Variants in EYS observed in about 807,000 individuals in gnomAD.
EYS encodes EGF-like photoreceptor maintenance factor.
Under a neutral mutation model 282.1 loss-of-function variants are expected in EYS, and 250 were observed. That is an observed-to-expected ratio of 0.89 (90% CI 0.80 to 0.98). The LOEUF (loss-of-function observed/expected upper bound fraction) is 0.98, where lower values mean the gene tolerates loss of function less well. Ranked by LOEUF, EYS falls within the 50% of genes least tolerant of loss-of-function variation. The pLI, the probability that EYS is intolerant of heterozygous loss-of-function variation, is 0.00. For synonymous variants in EYS, 1,355 were observed against 1,282.9 expected (o/e 1.06, Z -1.20); for missense variants, 4,016 against 3,709.0 (o/e 1.08, Z -2.15).
chr6:65,513,741 C>CT (rs1391445632), intron 2 of EYS, among the ~76,000 whole-genome samples: 1 of 151,752 alleles, frequency 6.6e-6, no homozygotes, highest in African/African-American at 2.4e-5. Context: ...AATTCAACAA[C>CT]CCTTCATGCT....
chr6:64,188,718 T>C lies in EYS; in HGVS notation c.6424+41874A>G, dbSNP rs528074287. 9.2e-5 allele frequency among the ~76,000 whole-genome samples: 14 copies of C among 152,090 alleles called. No individual in the cohort carries two copies. The South Asian group carries it at 2.9e-3, about 32-fold the overall frequency. On this transcript the variant is annotated intron_variant, in intron 31 of 42. Coordinates refer to ENST00000503581, the MANE Select transcript of EYS (RefSeq NM_001142800.2). ...TGACCTTTAAATCACCAGTGCTTGATTAAAAGCCTGACATATAGTAATAAC... is the reference window on the plus strand; with the variant it reads ...TGACCTTTAAATCACCAGTGCTTGACTAAAAGCCTGACATATAGTAATAAC...
At chr6:64,522,864 T>C (rs928506012) in intron 26 of EYS, among the ~76,000 whole-genome samples, 2 of 151,794 alleles carry the variant, frequency 1.3e-5, no homozygotes, top group South Asian at 2.1e-4. Flanking sequence ...GTGACAGCAA[T>C]GTGAAGTGCA....
chr6:63,938,593 A>G (rs1765140700), intron 35 of EYS, among the ~76,000 whole-genome samples: 1 of 152,226 alleles, frequency 6.6e-6, no homozygotes, highest in Non-Finnish European at 1.5e-5. Context: ...TGGTTGAAAA[A>G]GAAAATGTGA....
chr6:64,181,869 G>A lies in EYS; in HGVS notation c.6424+48723C>T, dbSNP rs187560644. ...TTTTGCAAGCAATTCATTTTTGTTC[G>A]AAATATTATCAATCAGTTGAAAAAG... On this transcript the variant is annotated intron_variant, in intron 31 of 42. Transcript: ENST00000503581. Among the ~76,000 whole-genome samples the A allele has an allele frequency of 3.4e-3, 519 of 152,086 alleles. 3 individuals carry two copies. The highest frequency in any genetic ancestry group is 0.011 in the African/African-American group (477 of 41,508).
At chr6:63,753,387 G>A (rs1769395081) in intron 41 of EYS, among the ~76,000 whole-genome samples, 1 of 152,024 alleles carries the variant, frequency 6.6e-6, no homozygotes, top group Admixed American at 6.6e-5. Flanking sequence ...ATTCAGAAAT[G>A]TTGAGACCCA....
At chr6:65,474,981 C>T (rs1765344793) in intron 5 of EYS, among the ~76,000 whole-genome samples, 2 of 151,920 alleles carry the variant, frequency 1.3e-5, no homozygotes, top group Non-Finnish European at 2.9e-5. Flanking sequence ...AGATCAAAGG[C>T]ACAGAGAAAA....
chr6:65,018,320 C>T (rs933940500), intron 13 of EYS, among the ~76,000 whole-genome samples: 2 of 152,126 alleles, frequency 1.3e-5, no homozygotes, highest in African/African-American at 4.8e-5. Context: ...TTCCATGTCT[C>T]TCCTCTAGCT....
At chr6:64,107,367 C>CTATGTGCA (rs1773064856) in intron 31 of EYS, among the ~76,000 whole-genome samples, 1 of 145,854 alleles carries the variant, frequency 6.9e-6, no homozygotes, top group Non-Finnish European at 1.5e-5. Context: ...CCACAGTAGC[C>CTATGTGCA]TATGTGCAAG....
At chr6:65,553,158 C>A (rs1304037917) in intron 2 of EYS, among the ~76,000 whole-genome samples, 3 of 152,106 alleles carry the variant, frequency 2.0e-5, no homozygotes. Flanking sequence ...AAATTCACTT[C>A]TATAGTGATA....
At chr6:65,062,208 G>T (rs1202433732) in intron 12 of EYS, among the ~76,000 whole-genome samples, 1 of 151,770 alleles carries the variant, frequency 6.6e-6, no homozygotes, top group Non-Finnish European at 1.5e-5. Flanking sequence ...ACATATTCTA[G>T]GCATCTCAAA....
At chr6:64,659,131 G>T (rs1768887253) in intron 22 of EYS, among the ~76,000 whole-genome samples, 1 of 151,842 alleles carries the variant, frequency 6.6e-6, no homozygotes. Context: ...GCTCCTGAAT[G>T]ACTACTGGGT....
intron 12 of EYS, among the ~76,000 whole-genome samples, chr6:65,112,770 T>G (rs1414492023): frequency 1.3e-5 from 2 of 152,126 alleles, no homozygotes; most frequent in African/African-American, 4.8e-5. Context: ...AATTTTACAG[T>G]ATGACACAAA....
At chr6:64,083,613 C>T (rs1297130318) in intron 31 of EYS, among the ~76,000 whole-genome samples, 2 of 152,220 alleles carry the variant, frequency 1.3e-5, no homozygotes, top group East Asian at 1.9e-4. Flanking sequence ...TGTAACCAGG[C>T]ATCTTGCTCT....
chr6:65,293,075 C>T (rs755001497), intron 12 of EYS, among the ~76,000 whole-genome samples: 15 of 151,458 alleles, frequency 9.9e-5, no homozygotes, highest in Non-Finnish European at 1.6e-4. Flanking sequence ...AACTTGAATC[C>T]TATTGGTTAA....
At position 64,343,061 on chromosome 6, in the gene EYS, A is replaced by C. The variant is rs565178648; in HGVS notation, c.6079-35979T>G. On this transcript the variant is annotated intron_variant, in intron 29 of 42. Coordinates refer to ENST00000503581, the MANE Select transcript of EYS (RefSeq NM_001142800.2). The stretch of plus-strand genomic sequence containing the variant: ...GAGCACCCAGATTCATAAAGCAAGT[A>C]CTTAGTTACCTACAAAGAGACTTAG... Among the ~76,000 whole-genome samples the C allele has an allele frequency of 8.2e-3, 1,249 of 151,936 alleles. 18 individuals carry two copies. Among genetic ancestry groups the C allele is most frequent in the East Asian group, 0.049 (253 of 5,164 alleles).
rs576254734 is a variant in EYS, at chr6:64,076,540, C to T, written c.6571+5316G>A. On this transcript the variant is annotated intron_variant, in intron 32 of 42. Coordinates refer to ENST00000503581, the MANE Select transcript of EYS (RefSeq NM_001142800.2). The stretch of plus-strand genomic sequence containing the variant: ...ACTGAATCATGGGGGCATTTTCCCT[C>T]ATACTGTTCTGGTGGTAGGGTATAA... 2.0e-5 allele frequency among the ~76,000 whole-genome samples: 3 copies of T among 151,994 alleles called. No homozygotes were observed. The East Asian group carries it at 5.8e-4, about 29-fold the overall frequency.
intron 36 of EYS, among the ~76,000 whole-genome samples, chr6:63,858,351 T>C (rs563886432): frequency 5.6e-4 from 85 of 152,312 alleles, no homozygotes; most frequent in Middle Eastern, 3.4e-3. Context: ...TGAGCCACCA[T>C]GCCTGGCCCA....
In EYS at chr6:65,138,069, A is replaced by G. The variant is rs1485813419; in HGVS notation, c.2024-80342T>C. Among the ~76,000 whole-genome samples the G allele has an allele frequency of 3.3e-5, 5 of 152,220 alleles. No homozygotes were observed. In the East Asian group the frequency reaches 9.7e-4, roughly 29 times the overall value. On this transcript the variant is annotated intron_variant, in intron 12 of 42. Transcript: ENST00000503581. ...GATGAACCACTGAAAAAGACTGAGA[A>G]GGACGTTTTTAAAATATCACCTGAG...
intron 26 of EYS, among the ~76,000 whole-genome samples, chr6:64,565,923 T>A (rs771372986): frequency 6.7e-6 from 1 of 149,680 alleles, no homozygotes; most frequent in African/African-American, 2.5e-5. Context: ...CTCAATAAAG[T>A]TGGGAAGAAA....
Sources: allele counts gnomAD v4.1 joint callset (sites outside exome capture counted in the v4.1 genomes callset), GRCh38; gene constraint gnomAD v4.1.1; transcripts MANE v1.5; gene names NCBI Gene and HGNC (gene_info 2026-07-23, HGNC 2026-07-21).